The following KAZN variants were observed in gnomAD, a reference collection of about 807,000 sequenced individuals.
KAZN encodes the protein kazrin.
Under a neutral mutation model 87.4 loss-of-function variants are expected in KAZN, and 40 were observed. The ratio of observed to expected loss-of-function variants is 0.46; its 90% CI spans 0.36 to 0.60. KAZN has a LOEUF of 0.60. Among genes scored for constraint, KAZN ranks in the 20% least tolerant of loss-of-function variants. The pLI is 0.00. For missense variants in KAZN, 898 were observed against 1,073.9 expected (o/e 0.84, Z 2.29); for synonymous variants, 466 against 458.3 (o/e 1.02, Z -0.22).
chr1:14,397,763 A>C (rs1663022567), intron 2 of KAZN, among the ~76,000 whole-genome samples: 1 of 150,406 alleles, frequency 6.6e-6, no homozygotes, highest in Non-Finnish European at 1.5e-5. Flanking sequence ...TGGGAGGCTG[A>C]GATAGGAGAA....
intron 1 of KAZN, among the ~76,000 whole-genome samples, chr1:14,894,169 C>T (rs897709857): frequency 3.9e-5 from 6 of 152,008 alleles, no homozygotes; most frequent in African/African-American, 1.4e-4. Flanking sequence ...CCAGCTCTGC[C>T]ACCATCTCCC....
At chr1:14,614,895 T>C (rs1678104940) in intron 1 of KAZN, among the ~76,000 whole-genome samples, 1 of 152,216 alleles carries the variant, frequency 6.6e-6, no homozygotes, top group East Asian at 1.9e-4. Flanking sequence ...TGCTGTCTCT[T>C]AACACTTCCT....
chr1:14,920,381 C>T (rs895329613), intron 1 of KAZN, among the ~76,000 whole-genome samples: 1 of 151,258 alleles, frequency 6.6e-6, no homozygotes, highest in African/African-American at 2.4e-5. Flanking sequence ...CCTCCCCACC[C>T]CCTGTCTGGA....
intron 1 of KAZN, among the ~76,000 whole-genome samples, chr1:14,840,568 C>T (rs550402759): frequency 2.6e-5 from 4 of 152,330 alleles, no homozygotes; most frequent in South Asian, 2.1e-4. Context: ...GTGATAGAGG[C>T]GCTTTGGGCG....
chr1:15,050,175 GAATAGAATA>G (rs1674218176), intron 4 of KAZN, among the ~76,000 whole-genome samples: 2 of 131,048 alleles, frequency 1.5e-5, no homozygotes. Context: ...GAATAGAATA[GAATAGAATA>G]GAATAGAATA....
At chr1:13,947,597 CT>C (rs778982115) in intron 1 of KAZN, among the ~76,000 whole-genome samples, 8 of 152,258 alleles carry the variant, frequency 5.3e-5, no homozygotes, top group Non-Finnish European at 7.4e-5. Context: ...TGTGATTGCC[CT>C]TAGGGCTGTA....
chr1:14,010,628 G>T (rs1640251792), intron 1 of KAZN, among the ~76,000 whole-genome samples: 1 of 152,196 alleles, frequency 6.6e-6, no homozygotes, highest in Non-Finnish European at 1.5e-5. Flanking sequence ...TATGAGCAGG[G>T]CTGAGACTCC....
chr1:14,930,549 C>A (rs959181614), intron 1 of KAZN, among the ~76,000 whole-genome samples: 3 of 152,160 alleles, frequency 2.0e-5, no homozygotes, highest in Non-Finnish European at 4.4e-5. Flanking sequence ...CGAGCAGGAA[C>A]CAAGCACCTT....
At position 14,000,091 on chromosome 1, in the gene KAZN, C is replaced by T. The variant is rs557419646; in HGVS notation, c.91+106335C>T. On this transcript the variant is annotated intron_variant, in intron 1 of 16. Coordinates refer to the KAZN transcript ENST00000636203. ...ACAACAAAAAAAGTCCAGGACCAGA[C>T]GGATTCACAGCTGAATTCTACCAGA... Among the ~76,000 whole-genome samples, 177 of 152,266 alleles carry T rather than the reference C, an allele frequency of 1.2e-3. 2 individuals are homozygous for T. The highest frequency in any genetic ancestry group is 3.3e-3 in the African/African-American group (137 of 41,552).
chr1:14,460,506 T>C (rs1667800889), intron 2 of KAZN, among the ~76,000 whole-genome samples: 2 of 152,198 alleles, frequency 1.3e-5, no homozygotes, highest in African/African-American at 2.4e-5. Context: ...ACCAGACTCA[T>C]CTTAGACCCC....
intron 2 of KAZN, among the ~76,000 whole-genome samples, chr1:14,590,468 G>C (rs1208991365): frequency 6.6e-6 from 1 of 152,180 alleles, no homozygotes; most frequent in Non-Finnish European, 1.5e-5. Context: ...ACAAAAGGTG[G>C]AAACCTTAGA....
At chr1:14,681,625 A>ATATATATATATATATGTATATGTATG (rs1640600662) in intron 1 of KAZN, among the ~76,000 whole-genome samples, 1 of 9,440 alleles carries the variant, frequency 1.1e-4, no homozygotes, top group African/African-American at 4.2e-4. Flanking sequence ...ATATATATAT[A>ATATATATATATATATGTATATGTATG]TATATATATA....
chr1:14,539,265 T>G (rs1012612582), intron 2 of KAZN, among the ~76,000 whole-genome samples: 9 of 152,214 alleles, frequency 5.9e-5, no homozygotes, highest in African/African-American at 2.2e-4. Flanking sequence ...TATGGTAGAA[T>G]TTGACCAGTC....
At chr1:14,732,516 G>A (rs2100370609) in intron 1 of KAZN, among the ~76,000 whole-genome samples, 1 of 152,224 alleles carries the variant, frequency 6.6e-6, no homozygotes, top group Non-Finnish European at 1.5e-5. Flanking sequence ...ACACATGCCT[G>A]TAGTTCCAGC....
At chr1:13,942,816 A>G (rs556146026) in intron 1 of KAZN, among the ~76,000 whole-genome samples, 2 of 152,282 alleles carry the variant, frequency 1.3e-5, no homozygotes, top group South Asian at 4.1e-4. Flanking sequence ...AAATTAGATA[A>G]CAACTCTAGA....
At chr1:14,153,278 A>G (rs1309407472) in intron 1 of KAZN, among the ~76,000 whole-genome samples, 1 of 152,174 alleles carries the variant, frequency 6.6e-6, no homozygotes, top group East Asian at 1.9e-4. Context: ...GCCCAGATCA[A>G]TGCTCTGGAG....
At chr1:14,459,601 C>G (rs1461749085) in intron 2 of KAZN, among the ~76,000 whole-genome samples, 1 of 152,134 alleles carries the variant, frequency 6.6e-6, no homozygotes, top group Non-Finnish European at 1.5e-5. Flanking sequence ...CATGCCACAA[C>G]CAATTAACCA....
At chr1:14,794,614 G>A (rs534910356) in intron 1 of KAZN, among the ~76,000 whole-genome samples, 1 of 152,320 alleles carries the variant, frequency 6.6e-6, no homozygotes, top group South Asian at 2.1e-4. Context: ...TGATGTCCCT[G>A]ATGGCAGAGT....
intron 2 of KAZN, among the ~76,000 whole-genome samples, chr1:14,566,781 A>G (rs1314837962): frequency 6.6e-6 from 1 of 152,158 alleles, no homozygotes; most frequent in Non-Finnish European, 1.5e-5. Context: ...AACTTCTACT[A>G]GCTCCCAACT....
Sources: gnomAD v4.1 joint callset for allele counts (sites outside exome capture counted in the v4.1 genomes callset) on GRCh38, gnomAD v4.1.1 for gene constraint, MANE v1.5 for transcripts, NCBI Gene and HGNC (gene_info 2026-07-23, HGNC 2026-07-21) for gene names.